Variants in MIA2 observed in about 807,000 individuals in gnomAD.
MIA2 encodes MIA SH3 domain ER export factor 2.
A neutral mutation model predicts 167.8 loss-of-function variants in MIA2; 127 were observed. The ratio of observed to expected loss-of-function variants is 0.76; its 90% CI spans 0.66 to 0.88. The LOEUF (loss-of-function observed/expected upper bound fraction) is 0.88. Among genes scored for constraint, MIA2 ranks in the 40% least tolerant of loss-of-function variants. The pLI, the probability that MIA2 is intolerant of heterozygous loss-of-function variation, is 0.00. For synonymous variants in MIA2, 552 were observed against 541.9 expected (o/e 1.02, Z -0.26); for missense variants, 1,690 against 1,624.7 (o/e 1.04, Z -0.69).
intron 6 of MIA2, chr14:39,269,181 T>A (rs2056672037): frequency 1.0e-5 from 5 of 496,188 alleles, no homozygotes; most frequent in Non-Finnish European, 1.3e-5. Context: ...TTTTAAAAAT[T>A]ATTTTGTATT....
At chr14:39,326,005 C>T (rs2067476802) in intron 24 of MIA2, among the ~76,000 whole-genome samples, 1 of 152,204 alleles carries the variant, frequency 6.6e-6, no homozygotes, top group Non-Finnish European at 1.5e-5. Context: ...TGGGCCACTG[C>T]GTCCAGCCCT....
Position 39,247,250 on chromosome 14 carries a change from T to A in MIA2, c.676T>A (p.Trp226Arg). The change falls in exon 4 of 29, where the codon TGG (tryptophan) becomes AGG (arginine). Residue 226 changes from tryptophan to arginine, a missense_variant. Physicochemically the swap from Trp to Arg is moderately radical, Grantham distance 101. Transcript: ENST00000640607. ...TTCAGCTGTGTCTGGAGTCAAAGAA[T>A]GGTTTGGATTGGGAGGAGAACAAGC... is the stretch of plus-strand genomic sequence containing the variant. ...PSSAVSGVKE[W>R]FGLGGEQAEE... The A allele has an allele frequency of 6.2e-7, 1 of 1,614,016 alleles. No individual in the cohort carries two copies. Among genetic ancestry groups the A allele is most frequent in the Non-Finnish European group, 8.5e-7 (1 of 1,180,002 alleles).
At chr14:39,363,306 G>T (rs1019589440) in intron 23 of MIA2, among the ~76,000 whole-genome samples, 2 of 152,196 alleles carry the variant, frequency 1.3e-5, no homozygotes, top group African/African-American at 4.8e-5. Flanking sequence ...AAGGTGGGAG[G>T]TTTTCTTGAG....
At chr14:39,244,091 G>A (rs1594641570) in intron 3 of MIA2, among the ~76,000 whole-genome samples, 1 of 152,240 alleles carries the variant, frequency 6.6e-6, no homozygotes, top group Admixed American at 6.5e-5. Flanking sequence ...ATAGGGCAGG[G>A]CCTTCCCTGG....
At chr14:39,316,093 G>T (rs1434346867) in intron 21 of MIA2, among the ~76,000 whole-genome samples, 1 of 152,184 alleles carries the variant, frequency 6.6e-6, no homozygotes, top group Non-Finnish European at 1.5e-5. Context: ...ATTAGATTAA[G>T]TGATCTTAGA....
intron 23 of MIA2, among the ~76,000 whole-genome samples, chr14:39,371,310 G>A (rs1328037829): frequency 3.3e-5 from 5 of 152,102 alleles, no homozygotes; most frequent in Non-Finnish European, 7.4e-5. Flanking sequence ...TTGGGGAAGG[G>A]GAGAGAGGGT....
chr14:39,264,156 G>A (rs6571912), intron 6 of MIA2, among the ~76,000 whole-genome samples: 4 of 151,898 alleles, frequency 2.6e-5, no homozygotes, highest in Non-Finnish European at 5.9e-5. Context: ...ATGTCTGTAC[G>A]TACCCAAGAT....
At chr14:39,379,150 T>C (rs2075103490) in intron 23 of MIA2, among the ~76,000 whole-genome samples, 1 of 152,138 alleles carries the variant, frequency 6.6e-6, no homozygotes, top group Non-Finnish European at 1.5e-5. Flanking sequence ...TAATTTTTTT[T>C]TTTGGTTAAA....
chr14:39,365,384 A>G (rs933535936), intron 23 of MIA2, among the ~76,000 whole-genome samples: 3 of 152,156 alleles, frequency 2.0e-5, no homozygotes, highest in Non-Finnish European at 4.4e-5. Flanking sequence ...CAGTGCCTTT[A>G]GCCTTCTCTT....
intron 9 of MIA2, among the ~76,000 whole-genome samples, chr14:39,288,432 CATATATATATAT>C (rs759995143): frequency 4.9e-3 from 255 of 52,548 alleles, no homozygotes; most frequent in Admixed American, 5.7e-3. Flanking sequence ...ATATATTATA[CATATATATATAT>C]ATATATATAT....
intron 2 of MIA2, among the ~76,000 whole-genome samples, chr14:39,237,772 T>A (rs1411811451): frequency 1.3e-5 from 2 of 151,970 alleles, no homozygotes; most frequent in South Asian, 4.2e-4. Flanking sequence ...AAAGTCTCGC[T>A]CTTGTTGCCC....
At chr14:39,283,577 C>A (rs1317937440) in intron 9 of MIA2, among the ~76,000 whole-genome samples, 1 of 152,088 alleles carries the variant, frequency 6.6e-6, no homozygotes, top group Non-Finnish European at 1.5e-5. Context: ...TTCAGGGGTA[C>A]AAGTGCACAT....
Position 39,350,149 on chromosome 14 carries a change from CT to C in MIA2, c.4125del (p.Gly1376AspfsTer19). ...TTTCCTCCTTACCTTCCCCCAAGACCTGGATTTTTCCCCCCACCCCCACATT... is the reference window on the plus strand; with the variant it reads ...TTTCCTCCTTACCTTCCCCCAAGACCGGATTTTTCCCCCCACCCCCACATT... The part of the protein sequence containing the change: ...RGFPPYLPPR[P>X]GFFPPPPHSE... On this transcript the variant is annotated frameshift_variant, in exon 29 of 29. Transcript: ENST00000640607. LOFTEE classifies it high-confidence loss of function. The C allele has an allele frequency of 7.1e-7, 1 of 1,406,158 alleles. No homozygotes were observed. Among genetic ancestry groups the C allele is most frequent in the Non-Finnish European group, 9.7e-7 (1 of 1,026,938 alleles). The allele number at this position is 1,406,158 out of a possible 1,614,324, so 87.1% of individuals were successfully genotyped here.
At chr14:39,361,294 T>A (rs1435178309) in intron 23 of MIA2, among the ~76,000 whole-genome samples, 1 of 152,244 alleles carries the variant, frequency 6.6e-6, no homozygotes, top group African/African-American at 2.4e-5. Context: ...GGGATCTTTC[T>A]GTTTATAGCC....
intron 9 of MIA2, among the ~76,000 whole-genome samples, chr14:39,290,281 A>G (rs926421167): frequency 1.3e-5 from 2 of 151,988 alleles, no homozygotes; most frequent in Non-Finnish European, 2.9e-5. Context: ...TTCTCTCACA[A>G]ATTCTCACTG....
chr14:39,247,732 C>T lies in MIA2; in HGVS notation c.1158C>T (p.Gly386=). The change falls in exon 4 of 29, where the codon GGC becomes GGT. Residue 386 remains glycine, a synonymous_variant. Coordinates refer to ENST00000640607, the MANE Select transcript of MIA2 (RefSeq NM_001329214.4). Reference sequence around the variant, plus strand: ...TTGATTTTGGTTTTGCTATACTAGGCTTTGCATATGCCAAGGAAGATAAAA... The same window carrying T: ...TTGATTTTGGTTTTGCTATACTAGGTTTTGCATATGCCAAGGAAGATAAAA... ...SWFDFGFAIL[G]FAYAKEDKIM... 1 of 1,613,198 alleles carries T rather than the reference C, an allele frequency of 6.2e-7. No homozygotes were observed. The highest frequency in any genetic ancestry group is 8.5e-7 in the Non-Finnish European group (1 of 1,179,842).
At chr14:39,370,367 C>T in intron 23 of MIA2, 1 of 223,442 alleles carries the variant, frequency 4.5e-6, no homozygotes, top group Admixed American at 4.2e-5. Context: ...TCTCAGTTCT[C>T]CCACCAGGTC....
At chr14:39,336,869 C>T (rs551993196) in intron 25 of MIA2, among the ~76,000 whole-genome samples, 3 of 152,256 alleles carry the variant, frequency 2.0e-5, no homozygotes, top group African/African-American at 7.2e-5. Context: ...TCTCAGCCTC[C>T]CAAGTAACTG....
At chr14:39,238,811 A>AAAAAC in intron 2 of MIA2, among the ~76,000 whole-genome samples, 2 of 103,598 alleles carry the variant, frequency 1.9e-5, no homozygotes, top group African/African-American at 7.8e-5. Context: ...AAAAAAAAAA[A>AAAAAC]CCCAAAAAAC....
Sources: allele counts gnomAD v4.1 joint callset (sites outside exome capture counted in the v4.1 genomes callset), GRCh38; gene constraint gnomAD v4.1.1; transcripts MANE v1.5; gene names NCBI Gene and HGNC (gene_info 2026-07-23, HGNC 2026-07-21).